The following COG2 variants were observed in gnomAD, a reference collection of about 807,000 sequenced individuals.
COG2 encodes conserved oligomeric Golgi complex subunit 2.
In COG2, 52 loss-of-function variants were observed where a neutral mutation model predicts 90.6. The ratio of observed to expected loss-of-function variants is 0.57; its 90% confidence interval spans 0.46 to 0.72. The LOEUF is 0.72. Ranked by LOEUF, COG2 falls within the 30% of genes least tolerant of loss-of-function variation. COG2 has a pLI of 0.00. For missense variants in COG2, 829 were observed against 891.2 expected, an observed-to-expected ratio of 0.93 and a Z score of 0.89; for synonymous variants, 337 against 320.4, an observed-to-expected ratio of 1.05 and a Z score of -0.55.
In COG2 at chr1:230,678,351, T is replaced by G. The variant is rs960962893; in HGVS notation, c.1027-562T>G. 7.1e-6 allele frequency: 7 copies of G among 985,326 alleles called. No homozygotes were observed. In the African/African-American group the frequency reaches 1.0e-4, roughly 15 times the overall value. The allele number at this position is 985,326 out of a possible 1,614,324, so 61.0% of individuals were successfully genotyped here. ...TGGTAGTTGCCCTGTGGGGTCGTTT[T>G]GTGGGTTAAATTAAATAAGACAATT... is the stretch of plus-strand genomic sequence containing the variant. On this transcript the variant is annotated intron_variant, in intron 9 of 17. Transcript: ENST00000366669.
At chr1:230,690,847 G>A (rs112084739) in intron 16 of COG2, among the ~76,000 whole-genome samples, 2 of 152,118 alleles carry the variant, frequency 1.3e-5, no homozygotes, top group African/African-American at 4.8e-5. Context: ...CAAGTAACCA[G>A]CTTGTAGACA....
rs563248511 is a variant in COG2, at chr1:230,693,852, C to G, written c.*459C>G. 28 of 152,452 alleles carry G rather than the reference C, an allele frequency of 1.8e-4. No individual in the cohort carries two copies. Among genetic ancestry groups the G allele is most frequent in the African/African-American group, 6.3e-4 (26 of 41,584 alleles). The allele number at this position is 152,452 out of a possible 1,614,324, so 9.4% of individuals were successfully genotyped here. On this transcript the variant is annotated 3_prime_UTR_variant, in exon 18 of 18. Coordinates refer to ENST00000366669, the MANE Select transcript of COG2 (RefSeq NM_007357.3). Reference sequence around the variant, plus strand: ...AGAACTCCTGGGCTTTCTAAAGAGGCTGCGGGAAGCCATCCTCCACTCCCA... The same window carrying G: ...AGAACTCCTGGGCTTTCTAAAGAGGGTGCGGGAAGCCATCCTCCACTCCCA...
intron 16 of COG2, among the ~76,000 whole-genome samples, 180 bp from the exon 17 acceptor site, chr1:230,691,204 T>C (rs749947730): frequency 2.0e-5 from 3 of 152,076 alleles, no homozygotes; most frequent in Non-Finnish European, 4.4e-5. Flanking sequence ...TACATGTATA[T>C]ATATACACAT....
intron 3 of COG2, among the ~76,000 whole-genome samples, chr1:230,662,937 A>G (rs569129099): frequency 4.5e-4 from 69 of 152,232 alleles, no homozygotes; most frequent in African/African-American, 1.5e-3. Flanking sequence ...TTGGCAGCCA[A>G]TCTTGCATGA....
intron 1 of COG2, among the ~76,000 whole-genome samples, chr1:230,648,363 G>T (rs1029787868): frequency 1.3e-5 from 2 of 152,130 alleles, no homozygotes; most frequent in Admixed American, 1.3e-4. Context: ...GACCTTACAG[G>T]TTCATGGTTT....
rs1662657528 is a variant in COG2 at position 230,678,686 on chromosome 1, T to A, written c.1027-227T>A. On this transcript the variant is annotated intron_variant, in intron 9 of 17. Transcript: ENST00000366669. ...AGACTTAGAGTGCCTGGGTCTCAGA[T>A]GGGCTTTGCCATGGAAGACACGGAA... 6 of 1,444,394 alleles carry A rather than the reference T, an allele frequency of 4.2e-6. No individual in the cohort carries two copies. In the Admixed American group the frequency reaches 1.0e-4, roughly 25 times the overall value. The allele number at this position is 1,444,394 out of a possible 1,614,324, so 89.5% of individuals were successfully genotyped here. A position where few individuals can be genotyped will look rare whatever the true frequency, so the allele number is the denominator to read the frequency against.
intron 1 of COG2, among the ~76,000 whole-genome samples, chr1:230,643,422 G>A (rs1661677754): frequency 1.3e-5 from 2 of 152,188 alleles, no homozygotes; most frequent in African/African-American, 2.4e-5. Flanking sequence ...CTGCACTTAA[G>A]CCATTCAAAA....
Position 230,688,428 on chromosome 1 carries a change from G to A in COG2, c.1660G>A (p.Glu554Lys). The A allele has an allele frequency of 6.2e-7, 1 of 1,613,830 alleles. No individual in the cohort carries two copies. The highest frequency in any genetic ancestry group is 8.5e-7 in the Non-Finnish European group (1 of 1,179,912). Reference sequence around the variant, plus strand: ...GTCTTTAATCTCAACAGCAGCCCTGGAGGACTCCCAGAGCTCTTTTTCAGC... The same window carrying A: ...GTCTTTAATCTCAACAGCAGCCCTGAAGGACTCCCAGAGCTCTTTTTCAGC... ...KNFSSISAAL[E>K]DSQSSFSACV... The change falls in exon 15 of 18, where the codon GAG becomes AAG. Residue 554 changes from glutamate to lysine, a missense_variant. Transcript: ENST00000366669.
At chr1:230,649,043 G>C (rs3789638) in intron 1 of COG2, among the ~76,000 whole-genome samples, 7,098 of 152,210 alleles carry the variant, frequency 0.047, 206 homozygotes, top group Middle Eastern at 0.088. Flanking sequence ...TTGCCTTCTC[G>C]TAAATACATC....
At chr1:230,646,211 T>G (rs1160515604) in intron 1 of COG2, among the ~76,000 whole-genome samples, 2 of 152,202 alleles carry the variant, frequency 1.3e-5, no homozygotes, top group African/African-American at 4.8e-5. Flanking sequence ...AATGTTGTCT[T>G]TACTTTCTCT....
rs758525752 is a variant in COG2 at position 230,678,992 on chromosome 1, C to T, written c.1106C>T (p.Ala369Val). Residue 369 changes from alanine (A) to valine (V), a missense_variant, in exon 10 of 18, where the codon GCC becomes GTC. Ala to Val is a moderately conservative substitution (Grantham distance 64, BLOSUM62 0). Coordinates refer to ENST00000366669, the MANE Select transcript of COG2 (RefSeq NM_007357.3). ...GSQASVKRLR[A>V]HPAYHSFNKK... ...CAGGCTAGTGTAAAGAGATTAAGAGCCCATCCTGCCTATCACAGCTTCAAT... is the reference window on the plus strand; with the variant it reads ...CAGGCTAGTGTAAAGAGATTAAGAGTCCATCCTGCCTATCACAGCTTCAAT... The T allele has an allele frequency of 1.9e-6, 3 of 1,613,498 alleles. No homozygotes were observed. Among genetic ancestry groups the T allele is most frequent in the African/African-American group, 2.7e-5 (2 of 74,890 alleles).
intron 1 of COG2, among the ~76,000 whole-genome samples, chr1:230,647,605 A>C (rs952193312): frequency 6.6e-6 from 1 of 152,130 alleles, no homozygotes; most frequent in African/African-American, 2.4e-5. Flanking sequence ...TGAATAAAGA[A>C]ACTTACAGTT....
chr1:230,690,264 C>G, intron 16 of COG2, 111 bp downstream of exon 16: 3 of 896,324 alleles, frequency 3.3e-6, no homozygotes, highest in South Asian at 3.3e-5. Flanking sequence ...CTGCCTAGCA[C>G]TTCTTCACTG....
chr1:230,692,333 T>C (rs1327859661), intron 17 of COG2, among the ~76,000 whole-genome samples: 1 of 150,344 alleles, frequency 6.7e-6, no homozygotes, highest in Non-Finnish European at 1.5e-5. Flanking sequence ...GGAGAACTGA[T>C]ACAATGTTAA....
In COG2 at chr1:230,669,470, A is replaced by G. The variant is rs769620297; in HGVS notation, c.709A>G (p.Ile237Val). The change falls in exon 7 of 18, where the codon ATT (isoleucine) becomes GTT (valine). Residue 237 changes from isoleucine (I) to valine (V), a missense_variant. Coordinates refer to ENST00000366669, the MANE Select transcript of COG2 (RefSeq NM_007357.3). ...IRHCLRTYAT[I>V]DKTRDAEALV... ...GCACTGCTTGCGGACTTACGCCACG[A>G]TTGACAAGACACGGGACGCGGAGGC... The G allele has an allele frequency of 6.2e-7, 1 of 1,614,116 alleles. No individual in the cohort carries two copies. Among genetic ancestry groups the G allele is most frequent in the Non-Finnish European group, 8.5e-7 (1 of 1,179,984 alleles).
At chr1:230,656,524 G>A (rs1311912870) in intron 1 of COG2, among the ~76,000 whole-genome samples, 1 of 152,194 alleles carries the variant, frequency 6.6e-6, no homozygotes, top group Non-Finnish European at 1.5e-5. Context: ...GAATAAGTGC[G>A]ATGCAGTGCT....
chr1:230,671,706 T>C, intron 8 of COG2, 66 bp downstream of exon 8: 3 of 1,472,714 alleles, frequency 2.0e-6, no homozygotes, highest in Non-Finnish European at 2.8e-6. Context: ...TAATTGCAGG[T>C]GCACGATGGA....
intron 4 of COG2, among the ~76,000 whole-genome samples, chr1:230,663,999 C>A (rs1662252628): frequency 6.6e-6 from 1 of 152,142 alleles, no homozygotes; most frequent in South Asian, 2.1e-4. Context: ...ACAGCCTGGG[C>A]AACATAGCAA....
Position 230,693,279 on chromosome 1 carries a change from A to G in COG2, c.2116-13A>G, listed in dbSNP as rs572839246. On this transcript the variant is annotated splice_polypyrimidine_tract_variant and intron_variant, in intron 17 of 17. Coordinates refer to ENST00000366669, the MANE Select transcript of COG2 (RefSeq NM_007357.3). ...AATTGCAGTAACATAATTCATTCTCATGGCCTTTGCAGATACAAAAGTTGG... is the reference window on the plus strand; with the variant it reads ...AATTGCAGTAACATAATTCATTCTCGTGGCCTTTGCAGATACAAAAGTTGG... 2.1e-5 allele frequency: 32 copies of G among 1,534,696 alleles called. No individual in the cohort carries two copies. In the South Asian group the frequency reaches 3.0e-4, roughly 15 times the overall value.
Sources: gnomAD v4.1 joint callset for allele counts (sites outside exome capture counted in the v4.1 genomes callset) on GRCh38, gnomAD v4.1.1 for gene constraint, MANE v1.5 for transcripts, NCBI Gene and HGNC (gene_info 2026-07-23, HGNC 2026-07-21) for gene names.